The following EYS variants were observed in gnomAD, a reference collection of about 807,000 sequenced individuals.
The protein encoded by EYS is EGF-like photoreceptor maintenance factor, also known as protein eyes shut homolog.
A neutral mutation model predicts 282.1 loss-of-function variants in EYS; 250 were observed. That is an observed-to-expected ratio of 0.89 (90% confidence interval 0.80 to 0.98). The LOEUF (loss-of-function observed/expected upper bound fraction) is 0.98. Among genes scored for constraint, EYS ranks in the 50% least tolerant of loss-of-function variants. The probability of loss-of-function intolerance (pLI) is 0.00; values close to 1 mark genes in which losing one functional copy is unlikely to be tolerated. For synonymous variants in EYS, 1,355 were observed against 1,282.9 expected, an observed-to-expected ratio of 1.06 and a Z score of -1.20; for missense variants, 4,016 against 3,709.0, an observed-to-expected ratio of 1.08 and a Z score of -2.15.
intron 35 of EYS, among the ~76,000 whole-genome samples, chr6:63,923,102 A>G (rs114979151): frequency 1.9e-3 from 291 of 152,344 alleles, no homozygotes; most frequent in East Asian, 3.9e-3. Context: ...GAAAGATGCC[A>G]TAGGCTGTTA....
intron 22 of EYS, among the ~76,000 whole-genome samples, chr6:64,774,957 C>T (rs780230273): frequency 2.0e-5 from 3 of 151,964 alleles, no homozygotes; most frequent in South Asian, 2.1e-4. Flanking sequence ...CTTACAGACT[C>T]GTTTTTGTCA....
chr6:64,282,545 C>T (rs193038989), intron 30 of EYS, among the ~76,000 whole-genome samples: 14 of 152,254 alleles, frequency 9.2e-5, no homozygotes, highest in Non-Finnish European at 1.9e-4. Context: ...CTCCAGCTGC[C>T]AGGCTTTAAG....
intron 9 of EYS, among the ~76,000 whole-genome samples, chr6:65,344,568 G>C (rs2150320349): frequency 1.3e-5 from 2 of 151,692 alleles, no homozygotes; most frequent in Non-Finnish European, 3.0e-5. Flanking sequence ...CTATATTCAA[G>C]AGAATGTGAC....
chr6:64,571,383 A>G (rs960456135), intron 26 of EYS, among the ~76,000 whole-genome samples: 2 of 152,194 alleles, frequency 1.3e-5, no homozygotes, highest in African/African-American at 4.8e-5. Context: ...AAGTAAGAGC[A>G]AACAAATTCA....
chr6:64,331,634 T>C (rs1017803675), intron 29 of EYS, among the ~76,000 whole-genome samples: 2 of 139,656 alleles, frequency 1.4e-5, no homozygotes, highest in African/African-American at 5.2e-5. Flanking sequence ...CATCAAGGAA[T>C]GCATATGGGA....
intron 26 of EYS, among the ~76,000 whole-genome samples, chr6:64,537,935 A>G (rs73767317): frequency 0.027 from 4,045 of 152,300 alleles, 164 homozygotes; most frequent in African/African-American, 0.093. Flanking sequence ...TTTACTGGGT[A>G]AGAGATCTCA....
At chr6:64,761,555 T>A (rs1270640371) in intron 22 of EYS, among the ~76,000 whole-genome samples, 2 of 152,136 alleles carry the variant, frequency 1.3e-5, no homozygotes, top group African/African-American at 2.4e-5. Flanking sequence ...TTCCTGGGTT[T>A]AAGCAATTCT....
At chr6:63,991,178 T>C (rs1328349891) in intron 34 of EYS, among the ~76,000 whole-genome samples, 1 of 151,632 alleles carries the variant, frequency 6.6e-6, no homozygotes, top group Non-Finnish European at 1.5e-5. Flanking sequence ...CAGGCACAAG[T>C]TCAGGGAAGA....
chr6:64,718,047 A>G (rs566055231), intron 22 of EYS, among the ~76,000 whole-genome samples: 1 of 152,200 alleles, frequency 6.6e-6, no homozygotes, highest in Admixed American at 6.5e-5. Flanking sequence ...GCCTCTTACT[A>G]CAGTTAGTTC....
chr6:64,080,410 GT>G (rs1195175408), intron 32 of EYS, among the ~76,000 whole-genome samples: 1 of 151,860 alleles, frequency 6.6e-6, no homozygotes, highest in African/African-American at 2.4e-5. Context: ...GGGGTTGTTT[GT>G]TTTTTTTCTT....
intron 33 of EYS, among the ~76,000 whole-genome samples, chr6:64,025,362 A>G (rs1316323404): frequency 2.0e-5 from 3 of 152,182 alleles, no homozygotes; most frequent in Non-Finnish European, 4.4e-5. Flanking sequence ...CCCTGCAGCC[A>G]TGAGCGGAAC....
chr6:64,813,995 C>A (rs1247872388), intron 21 of EYS, among the ~76,000 whole-genome samples: 1 of 151,956 alleles, frequency 6.6e-6, no homozygotes, highest in Non-Finnish European at 1.5e-5. Context: ...ATAGTACTTC[C>A]ATTAAATTTC....
chr6:63,899,388 C>G (rs905843164), intron 35 of EYS, among the ~76,000 whole-genome samples: 1 of 152,120 alleles, frequency 6.6e-6, no homozygotes, highest in Non-Finnish European at 1.5e-5. Context: ...ATGTCACTCT[C>G]CTTTCTAAAA....
At chr6:64,846,505 A>C (rs1765719662) in intron 19 of EYS, among the ~76,000 whole-genome samples, 1 of 152,166 alleles carries the variant, frequency 6.6e-6, no homozygotes, top group Non-Finnish European at 1.5e-5. Context: ...AAATTATCTC[A>C]AGTATAAGAA....
intron 5 of EYS, among the ~76,000 whole-genome samples, chr6:65,410,848 T>C (rs1161903838): frequency 6.6e-6 from 1 of 151,948 alleles, no homozygotes; most frequent in Non-Finnish European, 1.5e-5. Context: ...ATATACAAAA[T>C]AGTATACTAT....
At chr6:65,215,567 T>A (rs1378373670) in intron 12 of EYS, among the ~76,000 whole-genome samples, 1 of 152,214 alleles carries the variant, frequency 6.6e-6, no homozygotes, top group Admixed American at 6.5e-5. Flanking sequence ...TTTAAAATCT[T>A]ACAAAAACTT....
intron 14 of EYS, among the ~76,000 whole-genome samples, chr6:64,974,957 G>A (rs1463903105): frequency 1.3e-5 from 2 of 151,680 alleles, no homozygotes; most frequent in African/African-American, 4.8e-5. Flanking sequence ...TTTTATACAA[G>A]AGTAAAAAAT....
intron 31 of EYS, among the ~76,000 whole-genome samples, chr6:64,152,129 C>A (rs1774761898): frequency 6.6e-6 from 1 of 151,922 alleles, no homozygotes; most frequent in African/African-American, 2.4e-5. Flanking sequence ...TCCAAGAAAA[C>A]TTTTTGAATA....
At chr6:64,311,434 A>G (rs1021815417) in intron 29 of EYS, among the ~76,000 whole-genome samples, 2 of 152,266 alleles carry the variant, frequency 1.3e-5, no homozygotes, top group Non-Finnish European at 2.9e-5. Flanking sequence ...TTTCTCAAAT[A>G]TAGTTCTTAT....
Sources: gnomAD v4.1 joint callset for allele counts (sites outside exome capture counted in the v4.1 genomes callset) on GRCh38, gnomAD v4.1.1 for gene constraint, MANE v1.5 for transcripts, NCBI Gene and HGNC (gene_info 2026-07-23, HGNC 2026-07-21) for gene names.